Variants in SRBD1 observed in about 807,000 individuals in gnomAD.
The protein encoded by SRBD1 is S1 RNA-binding domain-containing protein 1.
In SRBD1, 88 loss-of-function variants were observed where a neutral mutation model predicts 115.3. The observed-to-expected ratio is 0.76, with a 90% CI of 0.64 to 0.91. The LOEUF (loss-of-function observed/expected upper bound fraction) is 0.91, where lower values mean the gene tolerates loss of function less well. Ranked by LOEUF, SRBD1 falls within the 40% of genes least tolerant of loss-of-function variation. The pLI is 0.00. For synonymous variants in SRBD1, 509 were observed against 407.7 expected (o/e 1.25, Z -2.99); for missense variants, 1,385 against 1,177.4 (o/e 1.18, Z -2.58).
At chr2:45,498,169 C>A (rs1401532379) in intron 14 of SRBD1, among the ~76,000 whole-genome samples, 1 of 151,932 alleles carries the variant, frequency 6.6e-6, no homozygotes, top group African/African-American at 2.4e-5. Context: ...TGATGTAAAC[C>A]ATTTACTCAA....
chr2:45,472,835 T>C (rs546115134), intron 16 of SRBD1, among the ~76,000 whole-genome samples: 1 of 152,298 alleles, frequency 6.6e-6, no homozygotes, highest in Non-Finnish European at 1.5e-5. Context: ...ACATGAAATA[T>C]CTTTCTTTTT....
At chr2:45,549,605 C>T (rs77930363) in intron 12 of SRBD1, among the ~76,000 whole-genome samples, 6,984 of 147,686 alleles carry the variant, frequency 0.047, 554 homozygotes, top group African/African-American at 0.17. Context: ...AATCCCAGCA[C>T]TTTGGAAGGC....
chr2:45,570,747 G>A (rs1348639415), intron 9 of SRBD1, among the ~76,000 whole-genome samples: 1 of 152,196 alleles, frequency 6.6e-6, no homozygotes, highest in Admixed American at 6.5e-5. Flanking sequence ...CCTAGGGCAG[G>A]TTGCAGAAGG....
At chr2:45,565,032 C>G (rs1672784097) in intron 9 of SRBD1, among the ~76,000 whole-genome samples, 2 of 152,108 alleles carry the variant, frequency 1.3e-5, no homozygotes, top group South Asian at 4.1e-4. Context: ...ATCAGAGGGC[C>G]TAATATTGCT....
At chr2:45,427,967 C>T (rs1668208696) in intron 16 of SRBD1, among the ~76,000 whole-genome samples, 1 of 152,178 alleles carries the variant, frequency 6.6e-6, no homozygotes, top group Non-Finnish European at 1.5e-5. Flanking sequence ...CAAGGGTATT[C>T]AGGACTTGAA....
At chr2:45,581,598 G>A (rs980753732) in intron 6 of SRBD1, 95 bp downstream of exon 6, 34 of 836,238 alleles carry the variant, frequency 4.1e-5, no homozygotes, top group Admixed American at 2.4e-4. Flanking sequence ...GGCTAATGAC[G>A]TTAGCTTTTT....
intron 12 of SRBD1, chr2:45,549,094 T>A (rs1292151039): frequency 6.6e-6 from 1 of 152,142 alleles, no homozygotes; most frequent in African/African-American, 2.4e-5. Flanking sequence ...AAAACACTGA[T>A]CCCTATGAAC....
intron 14 of SRBD1, among the ~76,000 whole-genome samples, chr2:45,509,512 C>T (rs13014204): frequency 0.13 from 19,127 of 148,534 alleles, 1,263 homozygotes; most frequent in East Asian, 0.21. Flanking sequence ...AGGAGAATGG[C>T]GTGAACCCAG....
intron 9 of SRBD1, among the ~76,000 whole-genome samples, chr2:45,564,588 A>C (rs11903597): frequency 0.21 from 31,822 of 152,178 alleles, 5,871 homozygotes; most frequent in African/African-American, 0.5. Context: ...AAATTAATTT[A>C]TACATACTAG....
intron 16 of SRBD1, among the ~76,000 whole-genome samples, chr2:45,437,527 G>C (rs1327710656): frequency 1.3e-5 from 2 of 152,124 alleles, no homozygotes; most frequent in African/African-American, 4.8e-5. Context: ...GCAAAATAAT[G>C]AATGTAGACA....
intron 9 of SRBD1, among the ~76,000 whole-genome samples, chr2:45,566,603 C>G (rs1453170912): frequency 6.6e-6 from 1 of 152,166 alleles, no homozygotes; most frequent in African/African-American, 2.4e-5. Context: ...GGTGACACAA[C>G]TGAGTGAATT....
chr2:45,480,093 T>C (rs985347810), intron 15 of SRBD1, among the ~76,000 whole-genome samples: 8 of 152,160 alleles, frequency 5.3e-5, no homozygotes, highest in African/African-American at 1.9e-4. Context: ...GAAAAAAAGA[T>C]TCCCTTCAAA....
intron 6 of SRBD1, 30 bp downstream of exon 6, chr2:45,581,662 AT>A (rs1377154885): frequency 6.5e-7 from 1 of 1,550,350 alleles, no homozygotes; most frequent in Admixed American, 1.8e-5. Context: ...ATATTCAGGT[AT>A]TACATTAAAA....
chr2:45,594,625 G>A (rs2104229918), intron 4 of SRBD1, among the ~76,000 whole-genome samples: 1 of 152,286 alleles, frequency 6.6e-6, no homozygotes, highest in East Asian at 1.9e-4. Context: ...CCCGGATCAG[G>A]AAATAGAAAC....
At chr2:45,412,974 T>C in intron 19 of SRBD1, 140 bp downstream of exon 19, 1 of 898,352 alleles carries the variant, frequency 1.1e-6, no homozygotes, top group African/African-American at 1.7e-5. Context: ...GCCACATAAC[T>C]CAGCAATGCA....
chr2:45,546,659 G>C (rs929456528), intron 14 of SRBD1, 73 bp downstream of exon 14: 1 of 1,387,224 alleles, frequency 7.2e-7, no homozygotes, highest in Non-Finnish European at 1.0e-6. Context: ...AAAGAGAAGG[G>C]AGGATTCATC....
intron 14 of SRBD1, chr2:45,546,495 A>G (rs1672123408): frequency 4.9e-6 from 2 of 404,230 alleles, no homozygotes; most frequent in Non-Finnish European, 6.7e-6. Flanking sequence ...ACTGAGCCCT[A>G]ACGTGCTGCT....
At chr2:45,581,869 G>C in intron 5 of SRBD1, 59 bp from the exon 6 acceptor site, 1 of 1,370,868 alleles carries the variant, frequency 7.3e-7, no homozygotes, top group African/African-American at 1.5e-5. Flanking sequence ...TCTTTTCAAA[G>C]CTACCTCAAA....
At chr2:45,400,254 G>A (rs1235690773) in intron 19 of SRBD1, among the ~76,000 whole-genome samples, 1 of 152,114 alleles carries the variant, frequency 6.6e-6, no homozygotes, top group East Asian at 1.9e-4. Flanking sequence ...GCTAGGCTGG[G>A]GGCAGGAAGG....
Sources: allele counts gnomAD v4.1 joint callset (sites outside exome capture counted in the v4.1 genomes callset), GRCh38; gene constraint gnomAD v4.1.1; transcripts MANE v1.5; gene names NCBI Gene and HGNC (gene_info 2026-07-23, HGNC 2026-07-21).